The following MSN variants were observed in gnomAD, a reference collection of about 807,000 sequenced individuals.
MSN encodes epididymis luminal protein 70.
Under a neutral mutation model 48.0 loss-of-function variants are expected in MSN, and 2 were observed. The observed-to-expected ratio is 0.04, with a 90% confidence interval of 0.02 to 0.13. The LOEUF is 0.13. MSN is among the 10% of genes least tolerant of loss of function. MSN has a pLI of 1.00. For missense variants in MSN, 267 were observed against 470.1 expected (o/e 0.57, Z 3.99); for synonymous variants, 146 against 166.9 (o/e 0.87, Z 0.97).
At chrX:65,607,745 G>A (rs1005518968) in intron 1 of MSN, among the ~76,000 whole-genome samples, 5 of 110,767 alleles carry the variant, frequency 4.5e-5, no homozygotes, top group Non-Finnish European at 7.6e-5. Context: ...TTCCAATTCT[G>A]CCCTATCCTG....
At chrX:65,652,437 G>A (rs1368057321) in intron 1 of MSN, among the ~76,000 whole-genome samples, 1 of 111,510 alleles carries the variant, frequency 9.0e-6, no homozygotes, top group Non-Finnish European at 1.9e-5. Context: ...CACAGGAAGA[G>A]TAAGACCTCT....
chrX:65,609,241 C>T (rs189356344), intron 1 of MSN, among the ~76,000 whole-genome samples: 300 of 107,611 alleles, frequency 2.8e-3, no homozygotes, highest in African/African-American at 9.2e-3. Flanking sequence ...ACACTCTATG[C>T]ACCCAAGGAA....
At chrX:65,590,299 C>T (rs1237946773) in intron 1 of MSN, among the ~76,000 whole-genome samples, 1 of 111,108 alleles carries the variant, frequency 9.0e-6, no homozygotes, top group Non-Finnish European at 1.9e-5. Context: ...GCAAGGAGAC[C>T]CATACCCAGG....
chrX:65,653,866 C>T (rs182633605), intron 1 of MSN, among the ~76,000 whole-genome samples: 4 of 110,018 alleles, frequency 3.6e-5, no homozygotes, highest in Admixed American at 2.0e-4. Context: ...CTCCACCTCC[C>T]GGGTTCAAGT....
chrX:65,719,138 C>G (rs948288228), intron 2 of MSN, among the ~76,000 whole-genome samples: 1 of 112,104 alleles, frequency 8.9e-6, no homozygotes, highest in African/African-American at 3.2e-5. Flanking sequence ...GCTTTGCATT[C>G]TCTCTTCACA....
At chrX:65,618,511 C>T (rs2070399185) in intron 1 of MSN, among the ~76,000 whole-genome samples, 1 of 111,242 alleles carries the variant, frequency 9.0e-6, no homozygotes, top group Admixed American at 9.6e-5. Context: ...TCTGTTTTAT[C>T]AGAGACTAGG....
intron 2 of MSN, among the ~76,000 whole-genome samples, chrX:65,717,681 G>T (rs1387408552): frequency 2.7e-5 from 3 of 112,020 alleles, no homozygotes; most frequent in Admixed American, 9.5e-5. Context: ...CAAAAATGAG[G>T]CTCCCATTTC....
chrX:65,695,874 C>A (rs984837807), intron 1 of MSN, among the ~76,000 whole-genome samples: 1 of 111,321 alleles, frequency 9.0e-6, no homozygotes, highest in Non-Finnish European at 1.9e-5. Context: ...TATTTAACTT[C>A]ATGCCTTTGA....
At chrX:65,642,840 T>C (rs1381411281) in intron 1 of MSN, among the ~76,000 whole-genome samples, 3 of 110,406 alleles carry the variant, frequency 2.7e-5, no homozygotes, top group Admixed American at 9.7e-5. Flanking sequence ...ATGGCCTGCC[T>C]GAGGCTGATG....
chrX:65,648,245 C>A (rs1288019535), intron 1 of MSN, among the ~76,000 whole-genome samples: 3 of 111,858 alleles, frequency 2.7e-5, no homozygotes. Context: ...CTGGAGTGGT[C>A]ACTCATGCAT....
At chrX:65,619,931 G>C (rs1307356510) in intron 1 of MSN, among the ~76,000 whole-genome samples, 10 of 110,903 alleles carry the variant, frequency 9.0e-5, no homozygotes, top group Non-Finnish European at 9.4e-5. Flanking sequence ...TTAACAGAGA[G>C]GACCCTCAGC....
At chrX:65,671,082 T>C (rs1306502530) in intron 1 of MSN, among the ~76,000 whole-genome samples, 1 of 105,963 alleles carries the variant, frequency 9.4e-6, no homozygotes, top group African/African-American at 3.4e-5. Flanking sequence ...CTTGAGTTTC[T>C]GGTTTCCTTC....
At chrX:65,733,499 T>C (rs930735216) in intron 7 of MSN, among the ~76,000 whole-genome samples, 1 of 112,385 alleles carries the variant, frequency 8.9e-6, no homozygotes, top group Non-Finnish European at 1.9e-5. Context: ...TCTACTCTGC[T>C]ACCTGTCTCT....
At chrX:65,714,060 G>A (rs1286105775) in intron 1 of MSN, among the ~76,000 whole-genome samples, 2 of 111,865 alleles carry the variant, frequency 1.8e-5, no homozygotes, top group East Asian at 5.6e-4. Context: ...GATTACAGGT[G>A]TGAGCTACCA....
At chrX:65,737,039 TAGA>T (rs1322564681) in intron 9 of MSN, 114 bp downstream of exon 9, 7 of 1,129,918 alleles carry the variant, frequency 6.2e-6, no homozygotes, top group South Asian at 4.1e-5. Flanking sequence ...GGCTACAGAC[TAGA>T]AGAAGAATGG....
In MSN at chrX:65,588,406, C is replaced by T. The variant is rs777487433; in HGVS notation, c.-228C>T. 5.5e-5 allele frequency: 13 copies of T among 237,547 alleles called. No individual in the cohort carries two copies. In the South Asian group the frequency reaches 1.1e-3, roughly 20 times the overall value. 19.6% of individuals were successfully genotyped at this position (237,547 alleles called of 1,213,427 possible). A position where few individuals can be genotyped will look rare whatever the true frequency, so the allele number is the denominator to read the frequency against. On this transcript the variant is annotated 5_prime_UTR_variant, in exon 1 of 4. Transcript: ENST00000609672. ...ATCTGGCCACAGCAGGAAGAAGAGG[C>T]GCCCGGAAAACCTTAGCTCTTGGCT...
rs370767390 is a variant in MSN, at chrX:65,736,504, A to G, written c.960-291A>G. On this transcript the variant is annotated intron_variant, in intron 8 of 12. Coordinates refer to ENST00000360270, the MANE Select transcript of MSN (RefSeq NM_002444.3). Reference sequence around the variant, plus strand: ...CGCTGGAGTGCAGTGGCGCAATCTCAGCTCACTGCAACCTCCGCCTCCTGT... The same window carrying G: ...CGCTGGAGTGCAGTGGCGCAATCTCGGCTCACTGCAACCTCCGCCTCCTGT... Among the ~76,000 whole-genome samples, 7 of 104,843 alleles carry G rather than the reference A, an allele frequency of 6.7e-5. No individual in the cohort carries two copies. In the South Asian group the frequency reaches 3.0e-3, roughly 45 times the overall value. 91.0% of individuals were successfully genotyped at this position (104,843 alleles called of 115,157 possible). A position where few individuals can be genotyped will look rare whatever the true frequency, so the allele number is the denominator to read the frequency against.
chrX:65,627,788 G>C (rs2070520109), intron 1 of MSN, among the ~76,000 whole-genome samples: 1 of 111,949 alleles, frequency 8.9e-6, no homozygotes, highest in African/African-American at 3.2e-5. Context: ...GACAAGGCAA[G>C]TCCCCTCTGC....
In MSN at chrX:65,729,571, G is replaced by T; in HGVS notation, c.326G>T (p.Gly109Val). The T allele has an allele frequency of 3.3e-6, 4 of 1,211,831 alleles. No individual in the cohort carries two copies. The highest frequency in any genetic ancestry group is 4.5e-6 in the Non-Finnish European group (4 of 895,572). The change falls in exon 4 of 13, where the codon GGC becomes GTC. Residue 109 changes from glycine to valine, a missense_variant. Physicochemically the swap from Gly to Val is moderately radical, Grantham distance 109. Transcript: ENST00000360270. The part of the protein sequence containing the change: ...QRLFFLQVKE[G>V]ILNDDIYCPP... ...CTGTTCTTTCTGCAAGTGAAAGAGG[G>T]CATTCTCAATGATGATATTTACTGC... is the stretch of plus-strand genomic sequence containing the variant.
Sources: gnomAD v4.1 joint callset for allele counts (sites outside exome capture counted in the v4.1 genomes callset) on GRCh38, gnomAD v4.1.1 for gene constraint, MANE v1.5 for transcripts, NCBI Gene and HGNC (gene_info 2026-07-23, HGNC 2026-07-21) for gene names.